MAGI1: variants seen among roughly 807,000 people sequenced by gnomAD.
The protein encoded by MAGI1 is membrane-associated guanylate kinase, WW and PDZ domain-containing protein 1.
Under a neutral mutation model 139.9 loss-of-function variants are expected in MAGI1, and 58 were observed. That is an observed-to-expected ratio of 0.41 (90% CI 0.34 to 0.52). The LOEUF (loss-of-function observed/expected upper bound fraction) is 0.52. MAGI1 is among the 20% of genes least tolerant of loss of function. MAGI1 has a pLI of 0.12. For synonymous variants in MAGI1, 812 were observed against 737.9 expected (o/e 1.10, Z -1.63); for missense variants, 1,874 against 1,901.6 (o/e 0.99, Z 0.27).
intron 13 of MAGI1, among the ~76,000 whole-genome samples, chr3:65,396,440 C>T (rs1269383589): frequency 3.3e-5 from 5 of 152,154 alleles, no homozygotes; most frequent in Non-Finnish European, 7.3e-5. Flanking sequence ...GAATGATTCC[C>T]TTACTTACTG....
chr3:65,472,473 G>C (rs1950610842), intron 4 of MAGI1, among the ~76,000 whole-genome samples: 1 of 152,168 alleles, frequency 6.6e-6, no homozygotes, highest in African/African-American at 2.4e-5. Context: ...AAGACACTAA[G>C]AGTTCTCCCA....
At position 65,375,905 on chromosome 3, in the gene MAGI1, A is replaced by G; in HGVS notation, c.3036T>C (p.Ile1012=). The change falls in exon 18 of 23, where the codon ATT becomes ATC. Residue 1012 remains isoleucine (I), a synonymous_variant. Transcript: ENST00000402939. ...AGCGGTCAGCAGGGCTCCCCTCAAT[A>G]ATCCGACCTATTTTGTGAGGCATAG... is the stretch of plus-strand genomic sequence containing the variant. The part of the protein sequence containing the change: ...CVAMPHKIGR[I]IEGSPADRCG... 6.2e-7 allele frequency: 1 copy of G among 1,614,016 alleles called. No individual in the cohort carries two copies. The highest frequency in any genetic ancestry group is 8.5e-7 in the Non-Finnish European group (1 of 1,179,956).
At chr3:65,984,271 G>A (rs1338414504) in intron 1 of MAGI1, among the ~76,000 whole-genome samples, 3 of 152,166 alleles carry the variant, frequency 2.0e-5, no homozygotes, top group East Asian at 1.9e-4. Flanking sequence ...TCCAGCCTGC[G>A]TGACAGAGTG....
intron 2 of MAGI1, among the ~76,000 whole-genome samples, chr3:65,512,521 C>T (rs1220843139): frequency 2.6e-5 from 4 of 151,482 alleles, no homozygotes; most frequent in African/African-American, 7.3e-5. Context: ...GAGAATACTA[C>T]AAACACCTCT....
intron 1 of MAGI1, among the ~76,000 whole-genome samples, chr3:65,842,360 T>C (rs2058836147): frequency 8.0e-6 from 1 of 125,462 alleles, no homozygotes. Flanking sequence ...TATAAATGTG[T>C]ACTTTTTTTT....
At chr3:65,415,355 C>G (rs1414224164) in intron 12 of MAGI1, among the ~76,000 whole-genome samples, 2 of 152,240 alleles carry the variant, frequency 1.3e-5, no homozygotes, top group African/African-American at 4.8e-5. Flanking sequence ...AAATAAGAAA[C>G]TCTTCATCAG....
At chr3:65,562,109 G>GGTAT (rs10522197) in intron 2 of MAGI1, among the ~76,000 whole-genome samples, 2 of 151,252 alleles carry the variant, frequency 1.3e-5, no homozygotes, top group African/African-American at 2.4e-5. Flanking sequence ...GCATGTCACA[G>GGTAT]GTATGTATGT....
intron 1 of MAGI1, among the ~76,000 whole-genome samples, chr3:65,965,904 C>T (rs2064715995): frequency 6.6e-6 from 1 of 152,114 alleles, no homozygotes; most frequent in Non-Finnish European, 1.5e-5. Context: ...CCGCCTGCCT[C>T]CACCTCCCAA....
chr3:65,563,795 G>A (rs143371865), intron 2 of MAGI1, among the ~76,000 whole-genome samples: 82 of 152,284 alleles, frequency 5.4e-4, no homozygotes, highest in African/African-American at 1.9e-3. Flanking sequence ...GTTACTAGGA[G>A]TTGTTACAAA....
intron 2 of MAGI1, among the ~76,000 whole-genome samples, chr3:65,555,493 G>A (rs1341541386): frequency 1.3e-5 from 2 of 152,228 alleles, no homozygotes; most frequent in Admixed American, 6.5e-5. Context: ...TGCCTGGTAC[G>A]TAGCACATGC....
At chr3:65,489,656 G>T (rs1951863748) in intron 3 of MAGI1, among the ~76,000 whole-genome samples, 1 of 152,292 alleles carries the variant, frequency 6.6e-6, no homozygotes, top group Middle Eastern at 3.4e-3. Context: ...CATTTATAAA[G>T]AATGAGGTGA....
chr3:66,038,375 CAAGCCTCCGCTTGT>C lies in MAGI1; in HGVS notation c.-81_-68del. ...AGGTGCCCCCCACAGCACGAGCCCCCAAGCCTCCGCTTGTTCATGGGAGAAACATCTCTCCCCAA... is the reference window on the plus strand; with the variant it reads ...AGGTGCCCCCCACAGCACGAGCCCCCTCATGGGAGAAACATCTCTCCCCAA... On this transcript the variant is annotated 5_prime_UTR_variant, in exon 1 of 23. Transcript: ENST00000402939. The C allele has an allele frequency of 5.3e-6, 8 of 1,498,014 alleles. No homozygotes were observed. The highest frequency in any genetic ancestry group is 7.1e-6 in the Non-Finnish European group (8 of 1,129,392). The allele number at this position is 1,498,014 out of a possible 1,614,324, so 92.8% of individuals were successfully genotyped here.
chr3:65,672,885 ATAG>A (rs1320965619), intron 1 of MAGI1, among the ~76,000 whole-genome samples: 1 of 152,246 alleles, frequency 6.6e-6, no homozygotes, highest in African/African-American at 2.4e-5. Context: ...GTATAAAATT[ATAG>A]TAGAAGGGAA....
intron 1 of MAGI1, among the ~76,000 whole-genome samples, chr3:65,979,477 G>T (rs868827905): frequency 6.6e-6 from 1 of 152,134 alleles, no homozygotes; most frequent in Non-Finnish European, 1.5e-5. Flanking sequence ...GCAACCCCAA[G>T]GAAACCTGAT....
At chr3:65,398,317 T>C (rs1371176793) in intron 13 of MAGI1, among the ~76,000 whole-genome samples, 1 of 151,980 alleles carries the variant, frequency 6.6e-6, no homozygotes, top group East Asian at 1.9e-4. Context: ...CTGGGCAAGA[T>C]GGTGAGACTC....
In MAGI1 at chr3:65,694,610, G is replaced by T. The variant is rs79593760; in HGVS notation, c.314-72522C>A. On this transcript the variant is annotated intron_variant, in intron 1 of 22. Transcript: ENST00000402939. ...GACAGTTTCGGCAACACCAAAAGTTGATTCTGGCTAAGCCTTCGGCTCATT... is the reference window on the plus strand; with the variant it reads ...GACAGTTTCGGCAACACCAAAAGTTTATTCTGGCTAAGCCTTCGGCTCATT... 3.2e-4 allele frequency among the ~76,000 whole-genome samples: 48 copies of T among 152,314 alleles called. No homozygotes were observed. In the East Asian group the frequency reaches 6.8e-3, roughly 21 times the overall value.
chr3:65,471,739 T>G (rs747514944), intron 4 of MAGI1, among the ~76,000 whole-genome samples: 1 of 152,070 alleles, frequency 6.6e-6, no homozygotes, highest in Non-Finnish European at 1.5e-5. Context: ...CATTTTTGTC[T>G]TTGTTATTAG....
At chr3:65,985,699 T>C (rs1230999364) in intron 1 of MAGI1, among the ~76,000 whole-genome samples, 1 of 152,190 alleles carries the variant, frequency 6.6e-6, no homozygotes, top group African/African-American at 2.4e-5. Context: ...AAATGTCATA[T>C]TGTCTCAGAA....
chr3:65,648,320 C>T (rs181469654), intron 1 of MAGI1, among the ~76,000 whole-genome samples: 13,043 of 115,416 alleles, frequency 0.11, 787 homozygotes, highest in Middle Eastern at 0.16. Flanking sequence ...TGTGTGTGCG[C>T]GTGCGCGTGC....
Sources: gnomAD v4.1 joint callset for allele counts (sites outside exome capture counted in the v4.1 genomes callset) on GRCh38, gnomAD v4.1.1 for gene constraint, MANE v1.5 for transcripts, NCBI Gene and HGNC (gene_info 2026-07-23, HGNC 2026-07-21) for gene names.